Variants in FAAH2 observed in about 807,000 individuals in gnomAD.
The protein encoded by FAAH2 is fatty-acid amide hydrolase 2.
In FAAH2, 60 loss-of-function variants were observed where a neutral mutation model predicts 36.9. That is an observed-to-expected ratio of 1.63 (90% CI 1.32 to 2.02). The LOEUF (loss-of-function observed/expected upper bound fraction) is 2.02. FAAH2 is among the 30% of genes most tolerant of loss of function. The probability of loss-of-function intolerance (pLI) is 0.00; values close to 1 mark genes in which losing one functional copy is unlikely to be tolerated. For synonymous variants in FAAH2, 214 were observed against 143.8 expected (o/e 1.49, Z -3.49); for missense variants, 689 against 397.5 (o/e 1.73, Z -6.23).
Position 57,439,866 on chromosome X carries a change from C to T in FAAH2, c.1117-7062C>T, listed in dbSNP as rs755019354. ...CCATTTATTAAATAGGGAATCCTTT[C>T]CCCATTTCTTGTTTTTGTCAGGTTT... On this transcript the variant is annotated intron_variant, in intron 8 of 10. Transcript: ENST00000374900. 5.8e-4 allele frequency among the ~76,000 whole-genome samples: 65 copies of T among 111,872 alleles called. 2 individuals carry two copies. The East Asian group carries it at 0.017, about 29-fold the overall frequency.
intron 5 of FAAH2, 134 bp from the exon 6 acceptor site, chrX:57,378,517 T>G: frequency 1.1e-3 from 796 of 750,627 alleles, no homozygotes; most frequent in Non-Finnish European, 1.3e-3. Flanking sequence ...ACTACTGCAA[T>G]GAGATATAAG....
In FAAH2 at chrX:57,381,080, CCTT is replaced by C. The variant is rs762947113; in HGVS notation, c.996+54_996+56del. On this transcript the variant is annotated intron_variant, in intron 7 of 10. Coordinates refer to ENST00000374900, the MANE Select transcript of FAAH2 (RefSeq NM_174912.4). ...GAATTATTTTTAGTCAAAGAGATAT[CCTT>C]CTGAGCCCTTTACTTCACTTACTGC... 7.8e-6 allele frequency: 7 copies of C among 901,161 alleles called. No individual in the cohort carries two copies. The Admixed American group carries it at 8.4e-5, about 11-fold the overall frequency. The allele number at this position is 901,161 out of a possible 1,213,427, so 74.3% of individuals were successfully genotyped here.
At chrX:57,224,166 T>A in the FAAH2 span, among the ~76,000 whole-genome samples, 7 of 111,444 alleles carry the variant, frequency 6.3e-5, no homozygotes, top group Admixed American at 1.9e-4. Context: ...CCAGACATGG[T>A]CTTTCATTCG....
chrX:57,377,012 T>C (rs2054699808), intron 5 of FAAH2, among the ~76,000 whole-genome samples: 1 of 112,414 alleles, frequency 8.9e-6, no homozygotes, highest in Admixed American at 9.4e-5. Flanking sequence ...TTTGTTTTCT[T>C]GTAAATTTGT....
chrX:57,257,422 T>G, the FAAH2 span, among the ~76,000 whole-genome samples: 1 of 110,891 alleles, frequency 9.0e-6, no homozygotes, highest in East Asian at 2.8e-4. Flanking sequence ...AAACCATCAT[T>G]CTCAGCAAAC....
At chrX:57,325,183 T>C (rs183490836) in intron 3 of FAAH2, among the ~76,000 whole-genome samples, 25 of 112,202 alleles carry the variant, frequency 2.2e-4, no homozygotes, top group Admixed American at 2.0e-3. Flanking sequence ...ATCCCAGGGA[T>C]GAAGCCCACT....
At chrX:57,218,684 G>T in the FAAH2 span, among the ~76,000 whole-genome samples, 1 of 111,068 alleles carries the variant, frequency 9.0e-6, no homozygotes, top group African/African-American at 3.3e-5. Context: ...TTCTCTCCTG[G>T]TTTTGGTATT....
At chrX:57,320,954 T>C (rs1036273015) in intron 3 of FAAH2, among the ~76,000 whole-genome samples, 3 of 110,389 alleles carry the variant, frequency 2.7e-5, no homozygotes, top group Non-Finnish European at 5.7e-5. Context: ...CTGGCTAACA[T>C]GGTAAAACCC....
chrX:57,328,497 T>A (rs191231343), intron 3 of FAAH2, among the ~76,000 whole-genome samples: 1 of 112,072 alleles, frequency 8.9e-6, no homozygotes, highest in South Asian at 3.7e-4. Flanking sequence ...GATTGGGTTT[T>A]AATATTTTCC....
intron 7 of FAAH2, among the ~76,000 whole-genome samples, chrX:57,410,082 C>A (rs1039052151): frequency 9.1e-6 from 1 of 110,330 alleles, no homozygotes; most frequent in African/African-American, 3.3e-5. Context: ...TTTTTGTTTT[C>A]ATTTGTCCAA....
chrX:57,330,643 T>C (rs2053375914), intron 3 of FAAH2, among the ~76,000 whole-genome samples: 1 of 111,495 alleles, frequency 9.0e-6, no homozygotes, highest in African/African-American at 3.3e-5. Context: ...AACTTGCTGG[T>C]TTTGCGGCTT....
chrX:57,428,244 A>G (rs1015522926), intron 7 of FAAH2, among the ~76,000 whole-genome samples: 4 of 112,268 alleles, frequency 3.6e-5, no homozygotes, highest in African/African-American at 9.7e-5. Context: ...GGAATTTGAG[A>G]TGACAAAAAT....
the FAAH2 span, among the ~76,000 whole-genome samples, chrX:57,218,059 C>T: frequency 1.8e-5 from 2 of 111,993 alleles, no homozygotes; most frequent in Non-Finnish European, 3.8e-5. Flanking sequence ...TATCCAGAAA[C>T]TTTGCTGAAT....
the FAAH2 span, among the ~76,000 whole-genome samples, chrX:57,226,851 AT>A: frequency 5.4e-4 from 60 of 111,533 alleles, 1 homozygote; most frequent in African/African-American, 1.9e-3. Flanking sequence ...ATATTTTCTT[AT>A]TCTTTTTTCT....
At chrX:57,391,363 T>TTG (rs2055162967) in intron 7 of FAAH2, among the ~76,000 whole-genome samples, 1 of 111,863 alleles carries the variant, frequency 8.9e-6, no homozygotes, top group Non-Finnish European at 1.9e-5. Context: ...GCATTTGCTT[T>TTG]TGAGGTCTTA....
the FAAH2 span, among the ~76,000 whole-genome samples, chrX:57,241,097 C>A: frequency 8.9e-6 from 1 of 112,361 alleles, no homozygotes; most frequent in East Asian, 2.8e-4. Flanking sequence ...CCCCAAGAAG[C>A]TCTTTCTGCT....
chrX:57,322,814 TTTTTTG>T (rs2053071300), intron 3 of FAAH2, among the ~76,000 whole-genome samples: 1 of 76,469 alleles, frequency 1.3e-5, no homozygotes, highest in Non-Finnish European at 3.2e-5. Context: ...ATTTCTTTTT[TTTTTTG>T]TTTTGTTTTG....
intron 10 of FAAH2, among the ~76,000 whole-genome samples, chrX:57,473,321 G>A (rs147723454): frequency 6.8e-4 from 76 of 111,325 alleles, no homozygotes; most frequent in African/African-American, 2.3e-3. Flanking sequence ...TAGTTTCCAT[G>A]TATTAGCATA....
Position 57,378,717 on chromosome X carries a change from G to A in FAAH2, c.809G>A (p.Gly270Asp). Residue 270 changes from glycine to aspartate, a missense_variant, in exon 6 of 11, where the codon GGT becomes GAT. By Grantham distance (94) the Gly-to-Asp change is moderately conservative. Transcript: ENST00000374900. ...VGAQELFLCT[G>D]PMCRYAEDLA... ...GCCCAGGAGTTGTTTCTGTGCACTG[G>A]TCCTATGTGCCGTTATGCTGAAGAC... 8.3e-7 allele frequency: 1 copy of A among 1,210,335 alleles called. No homozygotes were observed. Among genetic ancestry groups the A allele is most frequent in the African/African-American group, 1.7e-5 (1 of 57,628 alleles).
Sources: allele counts gnomAD v4.1 joint callset (sites outside exome capture counted in the v4.1 genomes callset), GRCh38; gene constraint gnomAD v4.1.1; transcripts MANE v1.5; gene names NCBI Gene and HGNC (gene_info 2026-07-23, HGNC 2026-07-21).